The following PKN2 variants were observed in gnomAD, a reference collection of about 807,000 sequenced individuals.
PKN2 encodes the protein serine/threonine-protein kinase N2.
In PKN2, 38 loss-of-function variants were observed where a neutral mutation model predicts 119.1. The observed-to-expected ratio is 0.32, with a 90% confidence interval of 0.25 to 0.42. The LOEUF (loss-of-function observed/expected upper bound fraction) is 0.42, where lower values mean the gene tolerates loss of function less well. Among genes scored for constraint, PKN2 ranks in the 10% least tolerant of loss-of-function variants. PKN2 has a pLI of 1.00. For missense variants in PKN2, 850 were observed against 1,165.1 expected (o/e 0.73, Z 3.94); for synonymous variants, 390 against 384.9 (o/e 1.01, Z -0.15).
Position 88,824,293 on chromosome 1 carries a change from CTT to C in PKN2, c.2343-13_2343-12del, listed in dbSNP as rs1557637679. The stretch of plus-strand genomic sequence containing the variant: ...TTGATTTTTTTTTTTCATGCTGTAT[CTT>C]TTTATCCTGAACAGAGATTTGAAAT... On this transcript the variant is annotated splice_polypyrimidine_tract_variant and intron_variant, in intron 17 of 21. Transcript: ENST00000370521. The C allele has an allele frequency of 1.5e-6, 2 of 1,362,394 alleles. No individual in the cohort carries two copies. Among genetic ancestry groups the C allele is most frequent in the Admixed American group, 3.9e-5 (2 of 51,610 alleles). 84.4% of individuals were successfully genotyped at this position (1,362,394 alleles called of 1,614,324 possible). A position where few individuals can be genotyped will look rare whatever the true frequency, so the allele number is the denominator to read the frequency against.
Position 88,834,293 on chromosome 1 carries a change from T to C in PKN2, c.*845T>C, listed in dbSNP as rs1481854577. ...TTCAGAATCAGTGAACCGATTACCC[T>C]TTTTTTGGTATTCACTCTACATCTG... On this transcript the variant is annotated 3_prime_UTR_variant, in exon 22 of 22. Transcript: ENST00000370521. 6.6e-6 allele frequency: 1 copy of C among 152,362 alleles called. No homozygotes were observed. Among genetic ancestry groups the C allele is most frequent in the Non-Finnish European group, 1.5e-5 (1 of 67,946 alleles). The allele number at this position is 152,362 out of a possible 1,614,324, so 9.4% of individuals were successfully genotyped here. A position where few individuals can be genotyped will look rare whatever the true frequency, so the allele number is the denominator to read the frequency against.
chr1:88,716,461 A>C (rs1302772117), intron 1 of PKN2, among the ~76,000 whole-genome samples: 1 of 152,198 alleles, frequency 6.6e-6, no homozygotes, highest in Non-Finnish European at 1.5e-5. Flanking sequence ...GACTTGCTTT[A>C]TGAATCTGGG....
At chr1:88,803,646 C>T (rs1290909219) in intron 8 of PKN2, among the ~76,000 whole-genome samples, 3 of 152,116 alleles carry the variant, frequency 2.0e-5, no homozygotes, top group African/African-American at 4.8e-5. Context: ...GCCACATAAG[C>T]ATTATTTTCA....
At chr1:88,759,515 AC>A (rs1176451219) in intron 2 of PKN2, among the ~76,000 whole-genome samples, 1 of 152,082 alleles carries the variant, frequency 6.6e-6, no homozygotes, top group African/African-American at 2.4e-5. Context: ...TCCTTTGCCC[AC>A]TTTTCAGTGG....
intron 16 of PKN2, among the ~76,000 whole-genome samples, chr1:88,817,560 T>A (rs1304279640): frequency 6.6e-6 from 1 of 151,400 alleles, no homozygotes; most frequent in Non-Finnish European, 1.5e-5. Context: ...ACAAAAAAAT[T>A]AGCTGGGTGT....
At chr1:88,823,289 G>A (rs541501981) in intron 17 of PKN2, among the ~76,000 whole-genome samples, 1 of 152,312 alleles carries the variant, frequency 6.6e-6, no homozygotes, top group Non-Finnish European at 1.5e-5. Context: ...TAAACAATTA[G>A]TATGGATGGA....
At chr1:88,805,860 T>C (rs1270655123) in intron 11 of PKN2, 31 bp from the exon 12 acceptor site, 2 of 1,611,534 alleles carry the variant, frequency 1.2e-6, no homozygotes, top group East Asian at 2.2e-5. Flanking sequence ...TTTCTATTAC[T>C]GTTTTGGTGA....
At chr1:88,811,566 A>C (rs1398945578) in intron 15 of PKN2, among the ~76,000 whole-genome samples, 1 of 152,156 alleles carries the variant, frequency 6.6e-6, no homozygotes, top group East Asian at 1.9e-4. Flanking sequence ...GTACTACTAC[A>C]CCATAGTACA....
In PKN2 at chr1:88,794,065, A is replaced by T. The variant is rs1670956330; in HGVS notation, c.1281+7852A>T. The stretch of plus-strand genomic sequence containing the variant: ...TAAATGAACTGTGCTACACAAATTG[A>T]AATCTTAAATTCGATATACCTGTTG... On this transcript the variant is annotated intron_variant, in intron 8 of 21. Coordinates refer to ENST00000370521, the MANE Select transcript of PKN2 (RefSeq NM_006256.4). Among the ~76,000 whole-genome samples, 5 of 152,304 alleles carry T rather than the reference A, an allele frequency of 3.3e-5. No individual in the cohort carries two copies. The South Asian group carries it at 1.0e-3, about 32-fold the overall frequency.
chr1:88,745,767 A>AC (rs1471165331), intron 2 of PKN2, among the ~76,000 whole-genome samples: 7 of 152,144 alleles, frequency 4.6e-5, no homozygotes, highest in Non-Finnish European at 7.4e-5. Context: ...ATCAGAAAAG[A>AC]CCCTACACCA....
chr1:88,815,512 A>C (rs1427294562), intron 16 of PKN2: 1 of 273,370 alleles, frequency 3.7e-6, no homozygotes, highest in East Asian at 1.4e-4. Flanking sequence ...TATTTCACTT[A>C]AAAGAGAGGA....
intron 1 of PKN2, among the ~76,000 whole-genome samples, chr1:88,705,738 C>T (rs927300216): frequency 1.3e-5 from 2 of 151,904 alleles, no homozygotes; most frequent in African/African-American, 4.8e-5. Context: ...ACTGAATTGC[C>T]TTTATATCTT....
chr1:88,739,373 C>A (rs1044705466), intron 1 of PKN2, among the ~76,000 whole-genome samples: 2 of 152,110 alleles, frequency 1.3e-5, no homozygotes, highest in Middle Eastern at 6.8e-3. Context: ...CCTGCAGGCA[C>A]AAGGTAAATT....
intron 2 of PKN2, among the ~76,000 whole-genome samples, chr1:88,757,194 A>C (rs1455827953): frequency 6.6e-6 from 1 of 152,184 alleles, no homozygotes; most frequent in African/African-American, 2.4e-5. Flanking sequence ...GTTTCCTGAT[A>C]TGTAAAGTAT....
chr1:88,685,695 T>C (rs941202562), intron 1 of PKN2, among the ~76,000 whole-genome samples: 3 of 152,156 alleles, frequency 2.0e-5, no homozygotes, highest in Non-Finnish European at 2.9e-5. Context: ...ACTCAAAGAT[T>C]GTAGATGGGA....
At chr1:88,794,802 T>C (rs918224745) in intron 8 of PKN2, among the ~76,000 whole-genome samples, 1 of 151,688 alleles carries the variant, frequency 6.6e-6, no homozygotes, top group Non-Finnish European at 1.5e-5. Flanking sequence ...TTTTCTTCTC[T>C]ATTTACCCTA....
At chr1:88,703,776 C>T (rs1177657296) in intron 1 of PKN2, among the ~76,000 whole-genome samples, 1 of 152,046 alleles carries the variant, frequency 6.6e-6, no homozygotes. Context: ...AGCTTAATCT[C>T]ATTTTACAGG....
At chr1:88,807,284 T>C in intron 12 of PKN2, 29 bp from the exon 13 acceptor site, 1 of 1,382,056 alleles carries the variant, frequency 7.2e-7, no homozygotes, top group Non-Finnish European at 9.8e-7. Context: ...GGTATTTCTA[T>C]GGATTCACGT....
chr1:88,745,023 C>T (rs1250741964), intron 2 of PKN2, among the ~76,000 whole-genome samples: 3 of 151,808 alleles, frequency 2.0e-5, no homozygotes, highest in African/African-American at 7.3e-5. Context: ...TAAGAGTATC[C>T]CCATAGGAGC....
Sources: allele counts gnomAD v4.1 joint callset (sites outside exome capture counted in the v4.1 genomes callset), GRCh38; gene constraint gnomAD v4.1.1; transcripts MANE v1.5; gene names NCBI Gene and HGNC (gene_info 2026-07-23, HGNC 2026-07-21).